ITGB8: variants seen among roughly 807,000 people sequenced by gnomAD.
The protein encoded by ITGB8 is integrin subunit beta 8.
Under a neutral mutation model 89.5 loss-of-function variants are expected in ITGB8, and 30 were observed. The observed-to-expected ratio is 0.34, with a 90% confidence interval of 0.25 to 0.45. The LOEUF is 0.45. Among genes scored for constraint, ITGB8 ranks in the 20% least tolerant of loss-of-function variants. The pLI is 1.00. For missense variants in ITGB8, 836 were observed against 933.3 expected (o/e 0.90, Z 1.36); for synonymous variants, 335 against 320.4 (o/e 1.05, Z -0.49).
intron 8 of ITGB8, among the ~76,000 whole-genome samples, chr7:20,397,042 T>C (rs1787111112): frequency 6.6e-6 from 1 of 152,174 alleles, no homozygotes; most frequent in South Asian, 2.1e-4. Flanking sequence ...ACAGAATCAA[T>C]TCACAATCCA....
At chr7:20,354,494 C>G (rs931008752) in intron 1 of ITGB8, among the ~76,000 whole-genome samples, 1 of 152,100 alleles carries the variant, frequency 6.6e-6, no homozygotes, top group East Asian at 1.9e-4. Context: ...GAAAACAGGA[C>G]GAAGTAAGAT....
At chr7:20,338,230 C>A (rs1214026069) in intron 1 of ITGB8, among the ~76,000 whole-genome samples, 1 of 152,102 alleles carries the variant, frequency 6.6e-6, no homozygotes, top group Non-Finnish European at 1.5e-5. Flanking sequence ...GGTTTCTTTG[C>A]CTGGTTTGTA....
At chr7:20,393,213 T>C (rs543902640) in intron 7 of ITGB8, among the ~76,000 whole-genome samples, 3 of 152,254 alleles carry the variant, frequency 2.0e-5, no homozygotes, top group Non-Finnish European at 4.4e-5. Context: ...ACATTATTTC[T>C]TGGCAGCATT....
intron 11 of ITGB8, among the ~76,000 whole-genome samples, 197 bp downstream of exon 11, chr7:20,405,050 T>C (rs1334375654): frequency 6.6e-6 from 1 of 152,192 alleles, no homozygotes; most frequent in East Asian, 1.9e-4. Context: ...CATCAGAGTA[T>C]ATCTGGACAC....
chr7:20,331,787 G>C lies in ITGB8; in HGVS notation c.-20G>C. 2 of 1,604,892 alleles carry C rather than the reference G, an allele frequency of 1.2e-6. No individual in the cohort carries two copies. The highest frequency in any genetic ancestry group is 1.7e-6 in the Non-Finnish European group (2 of 1,176,004). On this transcript the variant is annotated 5_prime_UTR_variant, in exon 1 of 14. Transcript: ENST00000222573. ...CGGAAGGCAGTCAGGCGGCGGGCGC[G>C]GGGCGGGCTGTTTTGCATTATGTGC...
chr7:20,343,963 C>T (rs1784842647), intron 1 of ITGB8, among the ~76,000 whole-genome samples: 1 of 152,082 alleles, frequency 6.6e-6, no homozygotes, highest in Non-Finnish European at 1.5e-5. Flanking sequence ...TGCAGTTATC[C>T]TTTGATCACA....
chr7:20,331,621 G>A lies in ITGB8; in HGVS notation c.-186G>A. On this transcript the variant is annotated 5_prime_UTR_variant, in exon 1 of 14. Transcript: ENST00000222573. ...GCCGGGAGGGCCGCAGGGGCCCTGA[G>A]ATGCCGAGCGGTGCCCGGGCCCGCT... is the stretch of plus-strand genomic sequence containing the variant. 1 of 599,456 alleles carries A rather than the reference G, an allele frequency of 1.7e-6. No individual in the cohort carries two copies. Among genetic ancestry groups the A allele is most frequent in the Non-Finnish European group, 2.6e-6 (1 of 385,356 alleles). The allele number at this position is 599,456 out of a possible 1,614,324, so 37.1% of individuals were successfully genotyped here.
intron 1 of ITGB8, among the ~76,000 whole-genome samples, chr7:20,355,693 C>T (rs1785269791): frequency 6.6e-6 from 1 of 152,166 alleles, no homozygotes; most frequent in Admixed American, 6.5e-5. Flanking sequence ...GGTCTGAATG[C>T]TTGTTTGCTA....
chr7:20,362,328 G>A lies in ITGB8; in HGVS notation c.128-1309G>A, dbSNP rs144814329. On this transcript the variant is annotated intron_variant, in intron 1 of 13. Transcript: ENST00000222573. ...AAAATTACCATGTCCATGTCCATGTGTGATTGGGCACATACACACATGTGC... is the reference window on the plus strand; with the variant it reads ...AAAATTACCATGTCCATGTCCATGTATGATTGGGCACATACACACATGTGC... Among the ~76,000 whole-genome samples, 20 of 152,326 alleles carry A rather than the reference G, an allele frequency of 1.3e-4. No individual in the cohort carries two copies. In the East Asian group the frequency reaches 2.7e-3, roughly 21 times the overall value.
chr7:20,380,481 CA>C, intron 4 of ITGB8, 184 bp from the exon 5 acceptor site: 1 of 545,748 alleles, frequency 1.8e-6, no homozygotes, highest in Non-Finnish European at 3.2e-6. Context: ...TTCCTATTTG[CA>C]AAGAAATTGT....
intron 9 of ITGB8, among the ~76,000 whole-genome samples, chr7:20,401,344 G>C (rs1323673586): frequency 6.6e-6 from 1 of 152,086 alleles, no homozygotes; most frequent in Non-Finnish European, 1.5e-5. Context: ...TCTATCTCTA[G>C]TGTCAAATAT....
intron 1 of ITGB8, among the ~76,000 whole-genome samples, chr7:20,360,915 C>CTTT (rs1167974755): frequency 1.2e-4 from 10 of 80,876 alleles, no homozygotes; most frequent in African/African-American, 1.3e-4. Context: ...CAACTGCAGT[C>CTTT]TTTTTTTTTT....
upstream of ITGB8, chr7:20,330,719 G>C (rs556029317): frequency 2.0e-5 from 3 of 152,356 alleles, no homozygotes; most frequent in South Asian, 6.2e-4. Flanking sequence ...GGCTGCAGCC[G>C]CGCCTGCGGG....
At chr7:20,377,146 G>C (rs892975085) in intron 3 of ITGB8, among the ~76,000 whole-genome samples, 7 of 152,114 alleles carry the variant, frequency 4.6e-5, no homozygotes, top group African/African-American at 1.7e-4. Flanking sequence ...GTTGTTTGCT[G>C]AGGTCACCAA....
chr7:20,336,000 C>CTTTTTTTTTTTTTTTTTTTTTT (rs201113693), intron 1 of ITGB8, among the ~76,000 whole-genome samples: 1 of 96,400 alleles, frequency 1.0e-5, no homozygotes, highest in Non-Finnish European at 1.9e-5. Context: ...TCTTGGTTTT[C>CTTTTTTTTTTTTTTTTTTTTTT]TTTTTTTTTT....
chr7:20,395,246 T>A (rs1377600950), intron 8 of ITGB8, among the ~76,000 whole-genome samples: 3 of 152,200 alleles, frequency 2.0e-5, no homozygotes, highest in Non-Finnish European at 4.4e-5. Context: ...TCCTTCTACA[T>A]CCAGTGCTCA....
In ITGB8 at chr7:20,336,589, A is replaced by G. The variant is rs35516347; in HGVS notation, c.127+4656A>G. ...TAAGTAGGAGAGATGGGATTTGAAC[A>G]TCGTAGAGAAAGCTTGAATTATGCT... On this transcript the variant is annotated intron_variant, in intron 1 of 13. Coordinates refer to ENST00000222573, the MANE Select transcript of ITGB8 (RefSeq NM_002214.3). Among the ~76,000 whole-genome samples the G allele has an allele frequency of 2.4e-3, 364 of 152,374 alleles. 2 individuals carry two copies. Among genetic ancestry groups the G allele is most frequent in the Non-Finnish European group, 4.4e-3 (302 of 68,034 alleles).
Position 20,398,926 on chromosome 7 carries a change from G to T in ITGB8, c.1213G>T (p.Ala405Ser). 10 of 1,609,814 alleles carry T rather than the reference G, an allele frequency of 6.2e-6. No individual in the cohort carries two copies. Among genetic ancestry groups the T allele is most frequent in the Non-Finnish European group, 8.5e-6 (10 of 1,177,858 alleles). ...ACAAGGCATCTATTTTAACATTACC[G>T]CCATCTGTCCAGATGGGTCCAGAAA... The part of the protein sequence containing the change: ...QVQGIYFNIT[A>S]ICPDGSRKPG... Residue 405 changes from alanine to serine, a missense_variant, in exon 9 of 14, where the codon GCC becomes TCC. Around this residue, in one of 5 missense-constraint regions of ITGB8, gnomAD observed 192 missense variants for 267.1 expected, o/e 0.72. Transcript: ENST00000222573.
chr7:20,397,964 G>GT lies in ITGB8; in HGVS notation c.1147-886dup, dbSNP rs554905247. ...ACTTCGTTTTTCCTTTTTTTTGTTT[G>GT]TTTTTTTTTTGGCAAGTGAAGGATT... On this transcript the variant is annotated intron_variant, in intron 8 of 13. Transcript: ENST00000222573. 1.2e-3 allele frequency among the ~76,000 whole-genome samples: 181 copies of GT among 146,530 alleles called. 1 individual carries two copies. The highest frequency in any genetic ancestry group is 5.1e-3 in the East Asian group (25 of 4,942).
Sources: allele counts gnomAD v4.1 joint callset (sites outside exome capture counted in the v4.1 genomes callset), GRCh38; gene constraint gnomAD v4.1.1; regional missense constraint gnomAD v4.1.1; transcripts MANE v1.5; gene names NCBI Gene and HGNC (gene_info 2026-07-23, HGNC 2026-07-21).